Variants in SMYD3 observed in about 807,000 individuals in gnomAD.
The protein encoded by SMYD3 is SET and MYND domain containing 3, also known as histone-lysine N-methyltransferase SMYD3.
Under a neutral mutation model 57.7 loss-of-function variants are expected in SMYD3, and 36 were observed. The observed-to-expected ratio is 0.62, with a 90% confidence interval of 0.48 to 0.82. The LOEUF is 0.82. Ranked by LOEUF, SMYD3 falls within the 40% of genes least tolerant of loss-of-function variation. The probability of loss-of-function intolerance (pLI) is 0.00; values close to 1 mark genes in which losing one functional copy is unlikely to be tolerated. For synonymous variants in SMYD3, 211 were observed against 195.0 expected (o/e 1.08, Z -0.68); for missense variants, 515 against 538.8 (o/e 0.96, Z 0.44).
At chr1:245,811,644 T>A (rs1483894912) in intron 10 of SMYD3, among the ~76,000 whole-genome samples, 2 of 152,194 alleles carry the variant, frequency 1.3e-5, no homozygotes, top group Non-Finnish European at 2.9e-5. Context: ...ACCAGACACA[T>A]AAAAATTTCA....
At chr1:246,218,821 A>G (rs921702903) in intron 5 of SMYD3, among the ~76,000 whole-genome samples, 5 of 152,214 alleles carry the variant, frequency 3.3e-5, no homozygotes, top group African/African-American at 1.2e-4. Context: ...TTCTGCACAC[A>G]ACAAACATGC....
At chr1:245,803,766 C>T (rs1485952030) in intron 10 of SMYD3, among the ~76,000 whole-genome samples, 1 of 152,128 alleles carries the variant, frequency 6.6e-6, no homozygotes, top group African/African-American at 2.4e-5. Context: ...AAGAAAATTT[C>T]TAAAATTTGA....
chr1:245,793,091 CGA>C (rs1558344059), intron 10 of SMYD3, among the ~76,000 whole-genome samples: 16 of 62,894 alleles, frequency 2.5e-4, no homozygotes, highest in African/African-American at 5.4e-4. Flanking sequence ...CGGGTGATCA[CGA>C]AATCAGGAGA....
At chr1:246,314,827 G>A (rs2065131474) in intron 5 of SMYD3, among the ~76,000 whole-genome samples, 1 of 152,196 alleles carries the variant, frequency 6.6e-6, no homozygotes, top group Non-Finnish European at 1.5e-5. Context: ...AGTTTCAAAT[G>A]TCGAACGATA....
chr1:246,385,433 T>G (rs2148758907), intron 1 of SMYD3, among the ~76,000 whole-genome samples: 1 of 151,924 alleles, frequency 6.6e-6, no homozygotes. Flanking sequence ...ATATAAATAT[T>G]TTAAAAATAT....
At chr1:246,400,097 T>C (rs2066743727) in intron 1 of SMYD3, among the ~76,000 whole-genome samples, 1 of 152,256 alleles carries the variant, frequency 6.6e-6, no homozygotes, top group South Asian at 2.1e-4. Flanking sequence ...TCAAAAGTTA[T>C]ATATTTCAGA....
chr1:246,414,096 T>C lies in SMYD3; in HGVS notation c.165-59002A>G, dbSNP rs138358138. Among the ~76,000 whole-genome samples, 308 of 152,336 alleles carry C rather than the reference T, an allele frequency of 2.0e-3. 2 individuals carry two copies. The highest frequency in any genetic ancestry group is 3.2e-3 in the Non-Finnish European group (216 of 68,036). Reference sequence around the variant, plus strand: ...CAACACAGAAATGTATCCCTACATGTGCCTGGTTGAAAATTCATTTTCTCT... The same window carrying C: ...CAACACAGAAATGTATCCCTACATGCGCCTGGTTGAAAATTCATTTTCTCT... On this transcript the variant is annotated intron_variant, in intron 1 of 11. Coordinates refer to ENST00000490107, the MANE Select transcript of SMYD3 (RefSeq NM_001167740.2).
intron 5 of SMYD3, among the ~76,000 whole-genome samples, chr1:246,302,849 A>G (rs1033025980): frequency 6.6e-6 from 1 of 152,184 alleles, no homozygotes; most frequent in African/African-American, 2.4e-5. Flanking sequence ...TCTATGAGGC[A>G]GGATCCAGCA....
At chr1:246,078,476 C>T (rs933293609) in intron 5 of SMYD3, among the ~76,000 whole-genome samples, 1 of 152,238 alleles carries the variant, frequency 6.6e-6, no homozygotes, top group Non-Finnish European at 1.5e-5. Flanking sequence ...TGTTCCACTT[C>T]TGCTTCTTCA....
intron 1 of SMYD3, among the ~76,000 whole-genome samples, chr1:246,496,249 T>C (rs2068359118): frequency 6.6e-6 from 1 of 151,912 alleles, no homozygotes; most frequent in Non-Finnish European, 1.5e-5. Context: ...TTGGCCAGGA[T>C]GGTCTCTATC....
At chr1:246,020,127 C>T (rs1367941711) in intron 5 of SMYD3, among the ~76,000 whole-genome samples, 2 of 152,210 alleles carry the variant, frequency 1.3e-5, no homozygotes, top group African/African-American at 4.8e-5. Flanking sequence ...GTAATCCTGT[C>T]CTACTGACGG....
intron 5 of SMYD3, among the ~76,000 whole-genome samples, chr1:246,031,700 G>A (rs2059679098): frequency 6.7e-6 from 1 of 148,348 alleles, no homozygotes. Context: ...TCGCGCCACT[G>A]CACTCCAGCC....
intron 5 of SMYD3, among the ~76,000 whole-genome samples, chr1:246,266,807 G>GAAA (rs35412783): frequency 6.6e-6 from 1 of 151,484 alleles, no homozygotes; most frequent in East Asian, 1.9e-4. Context: ...AAGAGAGAGA[G>GAAA]AGAAGAGAAA....
intron 5 of SMYD3, among the ~76,000 whole-genome samples, chr1:246,207,099 C>T (rs901196142): frequency 1.3e-5 from 2 of 152,008 alleles, no homozygotes; most frequent in Non-Finnish European, 2.9e-5. Flanking sequence ...CTAAAATGAA[C>T]ATAATAATGA....
At chr1:245,968,327 CCTGA>C (rs1435621326) in intron 5 of SMYD3, among the ~76,000 whole-genome samples, 1 of 151,902 alleles carries the variant, frequency 6.6e-6, no homozygotes, top group Admixed American at 6.6e-5. Context: ...TTCTCCATTC[CCTGA>C]CTAAGCTGCA....
intron 5 of SMYD3, among the ~76,000 whole-genome samples, chr1:246,018,407 C>T (rs999851004): frequency 9.2e-5 from 14 of 152,188 alleles, no homozygotes; most frequent in Non-Finnish European, 1.2e-4. Flanking sequence ...CAGGACCCCA[C>T]GCTCCACAGT....
intron 10 of SMYD3, among the ~76,000 whole-genome samples, chr1:245,825,035 G>T (rs2049404521): frequency 6.6e-6 from 1 of 151,668 alleles, no homozygotes; most frequent in South Asian, 2.1e-4. Context: ...TGTCTCAAAA[G>T]AAAAAAACCA....
intron 1 of SMYD3, among the ~76,000 whole-genome samples, chr1:246,481,593 C>CATATATATATATAT (rs1200097586): frequency 0.38 from 10,461 of 27,890 alleles, 2,546 homozygotes; most frequent in Non-Finnish European, 0.53. Context: ...TCTCAGGCTC[C>CATATATATATATAT]ATATATATAT....
chr1:246,187,918 G>T (rs1021710637), intron 5 of SMYD3, among the ~76,000 whole-genome samples: 1 of 151,706 alleles, frequency 6.6e-6, no homozygotes, highest in South Asian at 2.1e-4. Context: ...CTTCATTGTC[G>T]TATCAATGGT....
Sources: gnomAD v4.1 joint callset for allele counts (sites outside exome capture counted in the v4.1 genomes callset) on GRCh38, gnomAD v4.1.1 for gene constraint, MANE v1.5 for transcripts, NCBI Gene and HGNC (gene_info 2026-07-23, HGNC 2026-07-21) for gene names.